Variants in EYS observed in about 807,000 individuals in gnomAD.
The protein encoded by EYS is EGF-like photoreceptor maintenance factor.
A neutral mutation model predicts 282.1 loss-of-function variants in EYS; 250 were observed. That is an observed-to-expected ratio of 0.89 (90% CI 0.80 to 0.98). EYS has a LOEUF of 0.98. EYS is among the 50% of genes least tolerant of loss of function. EYS has a pLI of 0.00. For synonymous variants in EYS, 1,355 were observed against 1,282.9 expected (o/e 1.06, Z -1.20); for missense variants, 4,016 against 3,709.0 (o/e 1.08, Z -2.15).
chr6:64,691,379 G>A (rs1770376206), intron 22 of EYS, among the ~76,000 whole-genome samples: 1 of 152,060 alleles, frequency 6.6e-6, no homozygotes, highest in Admixed American at 6.6e-5. Context: ...GAAGTTTTAT[G>A]GAACCTACAG....
chr6:64,096,136 G>A (rs1772603580), intron 31 of EYS, among the ~76,000 whole-genome samples: 1 of 152,098 alleles, frequency 6.6e-6, no homozygotes, highest in Non-Finnish European at 1.5e-5. Flanking sequence ...TAGTATGATG[G>A]GCTTCCCCTT....
intron 2 of EYS, among the ~76,000 whole-genome samples, chr6:65,519,010 T>C (rs778964278): frequency 6.6e-6 from 1 of 152,022 alleles, no homozygotes; most frequent in Admixed American, 6.6e-5. Flanking sequence ...GTAATGCCCA[T>C]GTCAGAAAAA....
At chr6:64,295,730 A>G (rs75393570) in intron 30 of EYS, among the ~76,000 whole-genome samples, 1 of 13,806 alleles carries the variant, frequency 7.2e-5, no homozygotes, top group African/African-American at 2.7e-4. Context: ...CTCCGTCTCC[A>G]AAAAAAAAAA....
chr6:64,758,205 C>A (rs952165993), intron 22 of EYS, among the ~76,000 whole-genome samples: 1 of 151,980 alleles, frequency 6.6e-6, no homozygotes, highest in Non-Finnish European at 1.5e-5. Context: ...TGGGAAAAAC[C>A]CCTTTGGAAG....
intron 4 of EYS, among the ~76,000 whole-genome samples, chr6:65,493,339 G>T (rs1325664155): frequency 6.6e-6 from 1 of 152,288 alleles, no homozygotes; most frequent in African/African-American, 2.4e-5. Flanking sequence ...CCCTGCAGGT[G>T]ATCTGCTCTA....
intron 4 of EYS, among the ~76,000 whole-genome samples, chr6:65,491,812 T>C (rs1286414359): frequency 6.6e-6 from 1 of 152,132 alleles, no homozygotes; most frequent in East Asian, 1.9e-4. Context: ...TATTTGGAGA[T>C]AATATCTTTA....
chr6:64,457,288 T>A (rs1341802044), intron 26 of EYS, among the ~76,000 whole-genome samples: 2 of 152,058 alleles, frequency 1.3e-5, no homozygotes, highest in Non-Finnish European at 2.9e-5. Context: ...TTATATATGA[T>A]CTATCCTAGA....
Position 63,721,215 on chromosome 6 carries a change from C to T in EYS, c.8816G>A (p.Cys2939Tyr), listed in dbSNP as rs1582139965. Residue 2939 changes from cysteine (C) to tyrosine (Y), a missense_variant, in exon 43 of 43, where the codon TGT becomes TAT. Transcript: ENST00000503581. The part of the protein sequence containing the change: ...PDQSFSYSCL[C>Y]TLGWVGRYCE... ...ATACCTTCCCACCCAACCCAAAGTA[C>T]ACAGGCAACTGTAAGAAAATGATTG... is the stretch of plus-strand genomic sequence containing the variant. The T allele has an allele frequency of 3.9e-6, 6 of 1,551,692 alleles. No individual in the cohort carries two copies. Among genetic ancestry groups the T allele is most frequent in the Non-Finnish European group, 5.2e-6 (6 of 1,146,914 alleles).
At chr6:64,293,136 C>T (rs1005140428) in intron 30 of EYS, among the ~76,000 whole-genome samples, 1 of 152,002 alleles carries the variant, frequency 6.6e-6, no homozygotes, top group Non-Finnish European at 1.5e-5. Flanking sequence ...AGAATTTGCA[C>T]ATGGAATAAA....
At chr6:65,317,860 TTCTTTCTTTCTTTCTTTC>T in intron 11 of EYS, among the ~76,000 whole-genome samples, 1 of 53,812 alleles carries the variant, frequency 1.9e-5, no homozygotes, top group Non-Finnish European at 3.8e-5. Context: ...CTTTCTTTCT[TTCTTTCTTTCTTTCTTTC>T]TTTCTTTCAG....
At chr6:63,825,493 G>A (rs192781533) in intron 36 of EYS, among the ~76,000 whole-genome samples, 19 of 152,298 alleles carry the variant, frequency 1.2e-4, no homozygotes, top group East Asian at 5.8e-4. Context: ...AGAGTCCATC[G>A]TGCCCTTCGC....
intron 33 of EYS, among the ~76,000 whole-genome samples, chr6:64,028,779 A>C (rs186753155): frequency 6.6e-6 from 1 of 152,294 alleles, no homozygotes. Flanking sequence ...TCTGGCTACC[A>C]GTTCAGAAGC....
At chr6:64,551,204 A>G (rs1013484599) in intron 26 of EYS, among the ~76,000 whole-genome samples, 1 of 144,764 alleles carries the variant, frequency 6.9e-6, no homozygotes, top group South Asian at 2.1e-4. Flanking sequence ...ATATACACAC[A>G]TATATATATA....
chr6:65,049,272 T>C (rs181532191), intron 13 of EYS, among the ~76,000 whole-genome samples: 1 of 151,844 alleles, frequency 6.6e-6, no homozygotes, highest in Non-Finnish European at 1.5e-5. Context: ...TCCAGCTTCA[T>C]GTTCTCAGAG....
intron 18 of EYS, among the ~76,000 whole-genome samples, chr6:64,898,863 G>T (rs1407204719): frequency 6.6e-6 from 1 of 151,216 alleles, no homozygotes; most frequent in African/African-American, 2.4e-5. Context: ...ACAAAGAAGG[G>T]CATTACATAA....
At chr6:65,459,971 TATATATATATA>T (rs1562197924) in intron 5 of EYS, among the ~76,000 whole-genome samples, 15 of 17,256 alleles carry the variant, frequency 8.7e-4, no homozygotes, top group African/African-American at 5.3e-3. Flanking sequence ...GTGTATTTTA[TATATATATATA>T]TATATATATA....
intron 12 of EYS, among the ~76,000 whole-genome samples, chr6:65,288,780 A>G (rs1193471653): frequency 6.6e-6 from 1 of 151,160 alleles, no homozygotes; most frequent in Non-Finnish European, 1.5e-5. Flanking sequence ...AATAATACAT[A>G]TGCACATATA....
chr6:64,756,312 T>G lies in EYS; in HGVS notation c.3443+57066A>C, dbSNP rs527392794. Among the ~76,000 whole-genome samples the G allele has an allele frequency of 5.3e-4, 80 of 152,330 alleles. 2 individuals are homozygous for G. Among genetic ancestry groups the G allele is most frequent in the South Asian group, 3.3e-3 (16 of 4,834 alleles). On this transcript the variant is annotated intron_variant, in intron 22 of 42. Coordinates refer to ENST00000503581, the MANE Select transcript of EYS (RefSeq NM_001142800.2). Reference sequence around the variant, plus strand: ...AACTCCAAATGATTAAAACATTAACTTTCCATTTAATGTAAGTTTGTAGGC... The same window carrying G: ...AACTCCAAATGATTAAAACATTAACGTTCCATTTAATGTAAGTTTGTAGGC...
chr6:64,265,220 A>T (rs916358017), intron 30 of EYS, among the ~76,000 whole-genome samples: 23 of 152,160 alleles, frequency 1.5e-4, no homozygotes, highest in African/African-American at 5.5e-4. Flanking sequence ...AAAAAATGCC[A>T]ATATGCATTT....
Sources: gnomAD v4.1 joint callset for allele counts (sites outside exome capture counted in the v4.1 genomes callset) on GRCh38, gnomAD v4.1.1 for gene constraint, MANE v1.5 for transcripts, NCBI Gene and HGNC (gene_info 2026-07-23, HGNC 2026-07-21) for gene names.